Variants in NOS1 observed in about 807,000 individuals in gnomAD.
NOS1 encodes nitric oxide synthase 1, also known as NOS type I.
Under a neutral mutation model 164.5 loss-of-function variants are expected in NOS1, and 51 were observed. The observed-to-expected ratio is 0.31, with a 90% CI of 0.25 to 0.39. NOS1 has a LOEUF of 0.39. NOS1 is among the 10% of genes least tolerant of loss of function. NOS1 has a pLI of 1.00. For synonymous variants in NOS1, 719 were observed against 745.8 expected (o/e 0.96, Z 0.59); for missense variants, 1,362 against 1,885.6 (o/e 0.72, Z 5.14).
rs1467589074 is a variant in NOS1, at chr12:117,299,454, C to T, written c.853-9028G>A. Among the ~76,000 whole-genome samples the T allele has an allele frequency of 4.6e-5, 7 of 151,942 alleles. No individual in the cohort carries two copies. The East Asian group carries it at 5.8e-4, about 13-fold the overall frequency. On this transcript the variant is annotated intron_variant, in intron 3 of 28. Transcript: ENST00000317775. Reference sequence around the variant, plus strand: ...GAGATCAAGACCATCCTGGCTAACACGGTGAAACCCCACCTCCACTAAAAA... The same window carrying T: ...GAGATCAAGACCATCCTGGCTAACATGGTGAAACCCCACCTCCACTAAAAA...
intron 15 of NOS1, 31 bp from the exon 16 acceptor site, chr12:117,258,486 CACAT>C: frequency 6.2e-7 from 1 of 1,610,498 alleles, no homozygotes; most frequent in Non-Finnish European, 8.5e-7. Context: ...GTGAAATTAG[CACAT>C]CTTAGTAAAT....
At chr12:117,351,033 G>A (rs1209223445) in intron 1 of NOS1, among the ~76,000 whole-genome samples, 2 of 152,178 alleles carry the variant, frequency 1.3e-5, no homozygotes, top group Non-Finnish European at 2.9e-5. Flanking sequence ...AGAATGGCGT[G>A]AACCCGGGAG....
chr12:117,219,167 C>T lies in NOS1; in HGVS notation c.4170+908G>A, dbSNP rs553953543. ...CTAATTTTTGTATTTTTAGTAGAGA[C>T]GGGGTTTCACCATGTTGGTTGGCCA... On this transcript the variant is annotated intron_variant, in intron 27 of 28. Transcript: ENST00000317775. Among the ~76,000 whole-genome samples, 442 of 151,946 alleles carry T rather than the reference C, an allele frequency of 2.9e-3. 4 individuals carry two copies. The highest frequency in any genetic ancestry group is 1.0e-2 in the African/African-American group (414 of 41,486).
In NOS1 at chr12:117,277,587, CTG is replaced by C. The variant is rs559920814; in HGVS notation, c.1664+370_1664+371del. ...CCAGCCTGGGCAACAGCAGCAGACC[CTG>C]TCTCAAAAAAAAGAAAGAAAAAGAA... On this transcript the variant is annotated intron_variant, in intron 9 of 28. Coordinates refer to ENST00000317775, the MANE Select transcript of NOS1 (RefSeq NM_000620.5). Among the ~76,000 whole-genome samples, 600 of 151,856 alleles carry C rather than the reference CTG, an allele frequency of 4.0e-3. 2 individuals carry two copies. The highest frequency in any genetic ancestry group is 7.0e-3 in the Non-Finnish European group (477 of 67,950).
At chr12:117,259,890 C>T (rs1401452290) in intron 14 of NOS1, among the ~76,000 whole-genome samples, 4 of 152,024 alleles carry the variant, frequency 2.6e-5, no homozygotes, top group Admixed American at 1.3e-4. Context: ...GAGGCCGAGG[C>T]GGGCGAATCA....
chr12:117,230,051 C>A (rs1869080575), intron 22 of NOS1, among the ~76,000 whole-genome samples: 1 of 152,224 alleles, frequency 6.6e-6, no homozygotes. Flanking sequence ...TCCTGAGGAG[C>A]TGGGTCTACA....
In NOS1 at chr12:117,265,529, C is replaced by T; in HGVS notation, c.1942-19G>A. 6.7e-7 allele frequency: 1 copy of T among 1,487,454 alleles called. No individual in the cohort carries two copies. The highest frequency in any genetic ancestry group is 9.0e-7 in the Non-Finnish European group (1 of 1,108,818). The allele number at this position is 1,487,454 out of a possible 1,614,324, so 92.1% of individuals were successfully genotyped here. ...TGTCACTCTGTGGGAGGAGAGGGGA[C>T]AGGGGTCAGGAGGTATGAGAAGCTG... On this transcript the variant is annotated intron_variant, in intron 11 of 28. Transcript: ENST00000317775.
intron 17 of NOS1, among the ~76,000 whole-genome samples, chr12:117,249,553 C>A (rs566569013): frequency 6.6e-6 from 1 of 152,116 alleles, no homozygotes; most frequent in South Asian, 2.1e-4. Flanking sequence ...AATGAAAAGA[C>A]CAGAAGAAAT....
chr12:117,285,217 C>A, intron 7 of NOS1, 24 bp downstream of exon 7: 1 of 1,572,530 alleles, frequency 6.4e-7, no homozygotes, highest in South Asian at 1.1e-5. Context: ...CTCCTGCTCC[C>A]CAGTGCCCAG....
At chr12:117,339,518 G>A (rs1032739927) in intron 1 of NOS1, among the ~76,000 whole-genome samples, 1 of 152,198 alleles carries the variant, frequency 6.6e-6, no homozygotes, top group African/African-American at 2.4e-5. Flanking sequence ...CAATTCAAAT[G>A]TCAGGACTTT....
intron 21 of NOS1, among the ~76,000 whole-genome samples, chr12:117,232,781 T>C (rs1869355873): frequency 6.6e-6 from 1 of 152,186 alleles, no homozygotes; most frequent in Non-Finnish European, 1.5e-5. Flanking sequence ...TATAAGCCTC[T>C]TCTCCATCAG....
chr12:117,324,780 T>A (rs1403037274), intron 2 of NOS1, among the ~76,000 whole-genome samples: 1 of 151,434 alleles, frequency 6.6e-6, no homozygotes, highest in Non-Finnish European at 1.5e-5. Context: ...AACTTTGGGA[T>A]TCACTATCTG....
At chr12:117,298,425 C>T (rs1271155418) in intron 3 of NOS1, among the ~76,000 whole-genome samples, 3 of 152,178 alleles carry the variant, frequency 2.0e-5, no homozygotes, top group Non-Finnish European at 2.9e-5. Context: ...CAGCTCCTAA[C>T]AGGCCAGTAC....
In NOS1 at chr12:117,234,783, T is replaced by C. The variant is rs770288406; in HGVS notation, c.3042-25A>G. 11 of 1,593,348 alleles carry C rather than the reference T, an allele frequency of 6.9e-6. No homozygotes were observed. The South Asian group carries it at 7.8e-5, about 11-fold the overall frequency. Reference sequence around the variant, plus strand: ...ACTGCAGGAAATTGCAGAGGAATCATAGGACAAGGGCCAGCAGCTACTTCC... The same window carrying C: ...ACTGCAGGAAATTGCAGAGGAATCACAGGACAAGGGCCAGCAGCTACTTCC... On this transcript the variant is annotated intron_variant, in intron 20 of 28. Transcript: ENST00000317775. This position sits in a 1 kb window ranked among gnomAD's most constrained non-coding sequence, Gnocchi z 4.3.
intron 20 of NOS1, among the ~76,000 whole-genome samples, chr12:117,238,207 G>C (rs377429635): frequency 6.6e-6 from 1 of 152,090 alleles, no homozygotes; most frequent in African/African-American, 2.4e-5. Context: ...TGTGAAGCTG[G>C]GGAGTGACAG....
intron 2 of NOS1, among the ~76,000 whole-genome samples, chr12:117,325,665 T>C (rs1358445005): frequency 6.6e-6 from 1 of 152,188 alleles, no homozygotes; most frequent in Non-Finnish European, 1.5e-5. Flanking sequence ...ATCCACTGGG[T>C]AAATTAAGGA....
intron 2 of NOS1, among the ~76,000 whole-genome samples, chr12:117,317,453 G>C (rs1203824442): frequency 1.3e-5 from 2 of 148,604 alleles, no homozygotes; most frequent in Non-Finnish European, 3.0e-5. Flanking sequence ...CTGCACACTA[G>C]ATGCCAGTAG....
Position 117,214,113 on chromosome 12 carries a change from G to T in NOS1, c.*1196C>A, listed in dbSNP as rs144160475. The T allele has an allele frequency of 1.0e-5, 10 of 985,368 alleles. No individual in the cohort carries two copies. The East Asian group carries it at 1.0e-3, about 101-fold the overall frequency. The allele number at this position is 985,368 out of a possible 1,614,324, so 61.0% of individuals were successfully genotyped here. On this transcript the variant is annotated 3_prime_UTR_variant, in exon 29 of 29. Coordinates refer to ENST00000317775, the MANE Select transcript of NOS1 (RefSeq NM_000620.5). ...AGAAGCCACGTGGGACCTCATTATG[G>T]CAACTCTTTCCAACCTCATCCACTT...
intron 21 of NOS1, 90 bp from the exon 22 acceptor site, chr12:117,232,221 G>C: frequency 8.3e-7 from 1 of 1,205,822 alleles, no homozygotes; most frequent in African/African-American, 1.5e-5. Context: ...CAGAGGATGG[G>C]GCCAGGAGAG....
Sources: gnomAD v4.1 joint callset for allele counts (sites outside exome capture counted in the v4.1 genomes callset) on GRCh38, gnomAD v4.1.1 for gene constraint, Gnocchi (gnomAD v3.1) non-coding constraint, MANE v1.5 for transcripts, NCBI Gene and HGNC (gene_info 2026-07-23, HGNC 2026-07-21) for gene names.